The following PIGU variants were observed in gnomAD, a reference collection of about 807,000 sequenced individuals.
The protein encoded by PIGU is phosphatidylinositol glycan anchor biosynthesis class U.
In PIGU, 24 loss-of-function variants were observed where a neutral mutation model predicts 49.9. That is an observed-to-expected ratio of 0.48 (90% CI 0.35 to 0.68). The LOEUF (loss-of-function observed/expected upper bound fraction) is 0.68, where lower values mean the gene tolerates loss of function less well. Among genes scored for constraint, PIGU ranks in the 30% least tolerant of loss-of-function variants. The pLI is 0.01. For synonymous variants in PIGU, 220 were observed against 205.7 expected (o/e 1.07, Z -0.59); for missense variants, 490 against 532.6 (o/e 0.92, Z 0.79).
intron 5 of PIGU, among the ~76,000 whole-genome samples, chr20:34,635,714 A>C (rs1004917964): frequency 6.6e-6 from 1 of 151,892 alleles, no homozygotes; most frequent in Non-Finnish European, 1.5e-5. Flanking sequence ...TGCCTCTACT[A>C]AAAATACAAA....
intron 4 of PIGU, 110 bp downstream of exon 4, chr20:34,644,054 C>T: frequency 9.8e-7 from 1 of 1,021,148 alleles, no homozygotes; most frequent in Non-Finnish European, 1.5e-6. Flanking sequence ...TTCACCATCA[C>T]TTCCTAGCAC....
chr20:34,609,619 C>A (rs1368036363), intron 7 of PIGU, among the ~76,000 whole-genome samples: 6 of 152,158 alleles, frequency 3.9e-5, no homozygotes, highest in Admixed American at 3.9e-4. Flanking sequence ...CCCACCTTGG[C>A]CTCCCAAAGT....
chr20:34,578,356 C>T (rs1323634304), intron 10 of PIGU, among the ~76,000 whole-genome samples: 1 of 152,196 alleles, frequency 6.6e-6, no homozygotes, highest in Non-Finnish European at 1.5e-5. Flanking sequence ...CATGTTACTA[C>T]CTCAAGAAGG....
chr20:34,667,080 G>C (rs970521077), intron 1 of PIGU, among the ~76,000 whole-genome samples: 1 of 151,978 alleles, frequency 6.6e-6, no homozygotes, highest in African/African-American at 2.4e-5. Context: ...GGCCTCAAGC[G>C]ATCTACCCAC....
Position 34,625,801 on chromosome 20 carries a change from A to G in PIGU, c.529+8814T>C, listed in dbSNP as rs552699913. Among the ~76,000 whole-genome samples, 248 of 151,358 alleles carry G rather than the reference A, an allele frequency of 1.6e-3. 1 individual carries two copies. The highest frequency in any genetic ancestry group is 9.7e-4 in the East Asian group (5 of 5,170). ...GGTGCATGCCTGTCGTCTCAGCTAC[A>G]TGGGAGGATGGGGTGGGAGGATCAC... On this transcript the variant is annotated intron_variant, in intron 6 of 11. Coordinates refer to ENST00000217446, the MANE Select transcript of PIGU (RefSeq NM_080476.5).
At chr20:34,566,041 C>A (rs1460889146) in intron 11 of PIGU, among the ~76,000 whole-genome samples, 3 of 152,030 alleles carry the variant, frequency 2.0e-5, no homozygotes, top group Non-Finnish European at 4.4e-5. Context: ...CACACACATA[C>A]ACGCACGCTC....
chr20:34,630,806 C>T (rs894650113), intron 6 of PIGU, among the ~76,000 whole-genome samples: 3 of 151,962 alleles, frequency 2.0e-5, no homozygotes, highest in African/African-American at 4.8e-5. Flanking sequence ...ACCATCACAC[C>T]GGGCTAAATT....
chr20:34,632,727 T>TA (rs1390710127), intron 6 of PIGU, among the ~76,000 whole-genome samples: 1 of 151,380 alleles, frequency 6.6e-6, no homozygotes, highest in African/African-American at 2.4e-5. Context: ...AAAAAATCAA[T>TA]AAAAAAGAGA....
chr20:34,645,167 A>C (rs960554142), intron 3 of PIGU, 108 bp downstream of exon 3: 8 of 1,247,448 alleles, frequency 6.4e-6, no homozygotes, highest in Non-Finnish European at 8.5e-6. Flanking sequence ...CAGCCTGGGC[A>C]ACACAGTGAG....
At chr20:34,660,048 T>TTAAAAAA (rs1555803431) in intron 1 of PIGU, among the ~76,000 whole-genome samples, 1 of 41,446 alleles carries the variant, frequency 2.4e-5, no homozygotes, top group African/African-American at 7.6e-5. Flanking sequence ...GAATGATCAA[T>TTAAAAAA]AAAAAAAAAA....
At chr20:34,632,851 AGAT>A (rs1449811348) in intron 6 of PIGU, among the ~76,000 whole-genome samples, 1 of 152,128 alleles carries the variant, frequency 6.6e-6, no homozygotes, top group Non-Finnish European at 1.5e-5. Flanking sequence ...GTAGGATAAA[AGAT>A]GTGTGAGAAA....
chr20:34,601,818 T>A (rs949149771), intron 7 of PIGU, among the ~76,000 whole-genome samples: 3 of 152,206 alleles, frequency 2.0e-5, no homozygotes, highest in African/African-American at 7.2e-5. Context: ...CCAGTCTGTG[T>A]GTATAACTCA....
intron 7 of PIGU, among the ~76,000 whole-genome samples, chr20:34,597,594 A>C (rs1296492562): frequency 6.6e-6 from 1 of 152,202 alleles, no homozygotes; most frequent in East Asian, 1.9e-4. Flanking sequence ...CCTAAAATGA[A>C]AAAGAGTGTA....
At chr20:34,652,895 C>T (rs1048010576) in intron 2 of PIGU, among the ~76,000 whole-genome samples, 1 of 151,596 alleles carries the variant, frequency 6.6e-6, no homozygotes, top group Non-Finnish European at 1.5e-5. Flanking sequence ...TGCAAATGTT[C>T]CGTGTACATT....
At chr20:34,588,239 G>A (rs1009305904) in intron 8 of PIGU, among the ~76,000 whole-genome samples, 3 of 151,748 alleles carry the variant, frequency 2.0e-5, no homozygotes, top group African/African-American at 4.8e-5. Context: ...GCAACAGAGC[G>A]ACACCCTGTC....
At chr20:34,673,030 G>C (rs1987361323) in intron 1 of PIGU, among the ~76,000 whole-genome samples, 1 of 151,918 alleles carries the variant, frequency 6.6e-6, no homozygotes, top group Non-Finnish European at 1.5e-5. Flanking sequence ...CGAGGCGGGT[G>C]GATCACGAGG....
rs79968346 is a variant in PIGU, at chr20:34,623,107, G to A, written c.530-6968C>T. Among the ~76,000 whole-genome samples the A allele has an allele frequency of 4.1e-3, 621 of 152,136 alleles. 14 individuals are homozygous for A. Among genetic ancestry groups the A allele is most frequent in the African/African-American group, 0.013 (560 of 41,492 alleles). On this transcript the variant is annotated intron_variant, in intron 6 of 11. Transcript: ENST00000217446. ...GGCCATGGGGACTGGTTCAGGACAG[G>A]GACTTCAAGTGGAGTAATCAGAGAA...
intron 7 of PIGU, among the ~76,000 whole-genome samples, chr20:34,611,386 C>A (rs916322657): frequency 6.6e-6 from 1 of 152,040 alleles, no homozygotes; most frequent in Non-Finnish European, 1.5e-5. Flanking sequence ...GTGGCTTATG[C>A]CTGTAATCTC....
intron 6 of PIGU, among the ~76,000 whole-genome samples, chr20:34,620,980 A>T (rs1295695795): frequency 6.6e-6 from 1 of 152,174 alleles, no homozygotes; most frequent in African/African-American, 2.4e-5. Context: ...TCAAGACAGA[A>T]ACAGAAAGCT....
Sources: gnomAD v4.1 joint callset for allele counts (sites outside exome capture counted in the v4.1 genomes callset) on GRCh38, gnomAD v4.1.1 for gene constraint, MANE v1.5 for transcripts, NCBI Gene and HGNC (gene_info 2026-07-23, HGNC 2026-07-21) for gene names.